BRI3: variants seen among roughly 807,000 people sequenced by gnomAD.
BRI3 encodes the protein membrane protein BRI3.
A neutral mutation model predicts 12.8 loss-of-function variants in BRI3; 6 were observed. That is an observed-to-expected ratio of 0.47 (90% confidence interval 0.26 to 0.93). BRI3 has a LOEUF of 0.93. Ranked by LOEUF, BRI3 falls within the 40% of genes least tolerant of loss-of-function variation. The pLI, the probability that BRI3 is intolerant of heterozygous loss-of-function variation, is 0.15. For missense variants in BRI3, 134 were observed against 171.1 expected, an observed-to-expected ratio of 0.78 and a Z score of 1.21; for synonymous variants, 91 against 76.1, an observed-to-expected ratio of 1.20 and a Z score of -1.02.
upstream of BRI3, among the ~76,000 whole-genome samples, chr7:98,305,923 G>A (rs1800639408): frequency 1.3e-5 from 2 of 152,164 alleles, no homozygotes; most frequent in Admixed American, 6.5e-5. Context: ...GGGAGTGGAT[G>A]AGATGGCCCA....
downstream of BRI3, among the ~76,000 whole-genome samples, chr7:98,313,456 G>A (rs1015744033): frequency 1.3e-5 from 2 of 152,058 alleles, no homozygotes; most frequent in African/African-American, 4.8e-5. Flanking sequence ...AGAACCTCAA[G>A]GTCACCTCTG....
intron 2 of BRI3, chr7:98,282,806 T>A: frequency 4.3e-6 from 1 of 235,066 alleles, no homozygotes. Context: ...GCTTTTTCCT[T>A]CACTTTCCGC....
At chr7:98,296,780 C>T (rs1800209253), downstream of BRI3, among the ~76,000 whole-genome samples, 2 of 152,260 alleles carry the variant, frequency 1.3e-5, no homozygotes, top group South Asian at 4.1e-4. Flanking sequence ...AGGAGCCTCT[C>T]TGCCTCCCTC....
At chr7:98,314,723 G>A (rs764887020), downstream of BRI3, among the ~76,000 whole-genome samples, 1 of 152,092 alleles carries the variant, frequency 6.6e-6, no homozygotes, top group African/African-American at 2.4e-5. Flanking sequence ...AGAGCTGCCC[G>A]TGACCCCCGG....
At chr7:98,299,149 G>A (rs960799090) in intron 1 of BRI3, among the ~76,000 whole-genome samples, 1 of 152,110 alleles carries the variant, frequency 6.6e-6, no homozygotes, top group African/African-American at 2.4e-5. Flanking sequence ...CCGAGTAGCT[G>A]GGATTACAGG....
At chr7:98,310,667 T>C (rs989737776), downstream of BRI3, 25 of 1,227,908 alleles carry the variant, frequency 2.0e-5, no homozygotes, top group Non-Finnish European at 2.5e-5. Flanking sequence ...AAGGCTGTTT[T>C]TTTTTTTTAA....
intron 2 of BRI3, among the ~76,000 whole-genome samples, chr7:98,284,049 G>A (rs1455417255): frequency 1.3e-5 from 2 of 152,240 alleles, no homozygotes; most frequent in Non-Finnish European, 1.5e-5. Flanking sequence ...AGAACCTGGA[G>A]CGGGGTCAGA....
chr7:98,303,587 G>A (rs1451276327), upstream of BRI3, among the ~76,000 whole-genome samples: 4 of 152,126 alleles, frequency 2.6e-5, no homozygotes, highest in East Asian at 3.9e-4. Flanking sequence ...GGCAGAGTCC[G>A]GCCTTGTTCT....
intron 2 of BRI3, among the ~76,000 whole-genome samples, chr7:98,289,628 C>T (rs1799831817): frequency 6.6e-6 from 1 of 152,124 alleles, no homozygotes; most frequent in South Asian, 2.1e-4. Flanking sequence ...TTTTTCTGTC[C>T]ACTCACTCCA....
chr7:98,293,655 A>G (rs1554408604), downstream of BRI3: 3 of 1,523,936 alleles, frequency 2.0e-6, no homozygotes, highest in Non-Finnish European at 2.7e-6. Context: ...ACTGGATTTT[A>G]ACAGTGCTAA....
chr7:98,297,405 G>T (rs1488600543), downstream of BRI3, among the ~76,000 whole-genome samples: 1 of 152,176 alleles, frequency 6.6e-6, no homozygotes, highest in African/African-American at 2.4e-5. Flanking sequence ...TTTCCCTTGG[G>T]CTGCAGCAGA....
chr7:98,307,864 C>T (rs1468701359), exon 2 of BRI3: 2 of 1,614,260 alleles, frequency 1.2e-6, no homozygotes, highest in East Asian at 2.2e-5. Context: ...GCAACCGAAA[C>T]TGATCGCTGT....
At chr7:98,305,671 C>T (rs1191998899), upstream of BRI3, among the ~76,000 whole-genome samples, 1 of 152,166 alleles carries the variant, frequency 6.6e-6, no homozygotes, top group Non-Finnish European at 1.5e-5. Context: ...AATCCTCCTG[C>T]CTCCATCTCC....
At chr7:98,319,140 C>T in the BRI3 span, among the ~76,000 whole-genome samples, 13 of 152,102 alleles carry the variant, frequency 8.5e-5, no homozygotes, top group Non-Finnish European at 5.9e-5. Context: ...CAGGGCAACT[C>T]GCACACTCAC....
At chr7:98,306,327 G>A (rs996923271), upstream of BRI3, 21 of 1,289,046 alleles carry the variant, frequency 1.6e-5, no homozygotes, top group Middle Eastern at 1.9e-4. Flanking sequence ...ACTAGTCCAC[G>A]AGAGCTGAGG....
intron 1 of BRI3, among the ~76,000 whole-genome samples, chr7:98,299,212 T>C (rs1800317357): frequency 6.6e-6 from 1 of 151,988 alleles, no homozygotes; most frequent in Admixed American, 6.5e-5. Context: ...AGAGACAGGG[T>C]TTCACCATGT....
downstream of BRI3, among the ~76,000 whole-genome samples, chr7:98,314,267 G>A (rs766202285): frequency 8.5e-5 from 13 of 152,138 alleles, no homozygotes; most frequent in Non-Finnish European, 1.8e-4. Flanking sequence ...ACAGGCGTGA[G>A]CCACCATGCG....
At chr7:98,313,558 C>A (rs965470929), downstream of BRI3, among the ~76,000 whole-genome samples, 1 of 152,150 alleles carries the variant, frequency 6.6e-6, no homozygotes, top group Non-Finnish European at 1.5e-5. Flanking sequence ...GAAACTAGTA[C>A]AGACATGCTG....
At chr7:98,293,060 T>C (rs893745645), downstream of BRI3, 3 of 797,206 alleles carry the variant, frequency 3.8e-6, no homozygotes, top group Non-Finnish European at 4.7e-6. Flanking sequence ...CTTAAAATTA[T>C]GATTTGCATG....
Sources: gnomAD v4.1 joint callset for allele counts (sites outside exome capture counted in the v4.1 genomes callset) on GRCh38, gnomAD v4.1.1 for gene constraint, MANE v1.5 for transcripts, NCBI Gene and HGNC (gene_info 2026-07-23, HGNC 2026-07-21) for gene names.